Variants in PGAP2 observed in about 807,000 individuals in gnomAD.
PGAP2 encodes acyltransferase PGAP2.
PGAP2 carries 21 observed loss-of-function variants against 33.2 expected under a neutral mutation model. The ratio of observed to expected loss-of-function variants is 0.63; its 90% confidence interval spans 0.45 to 0.91. The LOEUF (loss-of-function observed/expected upper bound fraction) is 0.91. Ranked by LOEUF, PGAP2 falls within the 40% of genes least tolerant of loss-of-function variation. PGAP2 has a pLI of 0.00. For missense variants in PGAP2, 345 were observed against 424.0 expected, an observed-to-expected ratio of 0.81 and a Z score of 1.64; for synonymous variants, 161 against 172.9, an observed-to-expected ratio of 0.93 and a Z score of 0.54.
chr11:3,824,853 G>T lies in PGAP2; in HGVS notation c.709-167G>T. ...CCATCACTCCCCCAGAGGCAGGGACGTGAACACATAGTCGTCATTCTTGCT... is the reference window on the plus strand; with the variant it reads ...CCATCACTCCCCCAGAGGCAGGGACTTGAACACATAGTCGTCATTCTTGCT... On this transcript the variant is annotated intron_variant, in intron 5 of 6. Transcript: ENST00000278243. 6 of 1,447,376 alleles carry T rather than the reference G, an allele frequency of 4.1e-6. No individual in the cohort carries two copies. The South Asian group carries it at 5.9e-5, about 14-fold the overall frequency. 89.7% of individuals were successfully genotyped at this position (1,447,376 alleles called of 1,614,324 possible).
intron 1 of PGAP2, among the ~76,000 whole-genome samples, chr11:3,803,349 G>C (rs563478214): frequency 1.2e-4 from 18 of 146,276 alleles, no homozygotes; most frequent in African/African-American, 4.6e-4. Flanking sequence ...GGATGGTCTC[G>C]ATCTCCTGAC....
At chr11:3,825,174 G>A (rs1262685354) in intron 6 of PGAP2, 46 bp downstream of exon 6, 5 of 1,594,912 alleles carry the variant, frequency 3.1e-6, no homozygotes, top group Non-Finnish European at 3.4e-6. Flanking sequence ...TGGCTGCGGG[G>A]CAGCAATGAT....
intron 1 of PGAP2, among the ~76,000 whole-genome samples, chr11:3,798,381 G>A (rs892244001): frequency 6.6e-6 from 1 of 152,142 alleles, no homozygotes; most frequent in African/African-American, 2.4e-5. Context: ...CTAGGGTGGA[G>A]TGCATTGGCG....
intron 1 of PGAP2, chr11:3,798,097 G>A: frequency 2.0e-6 from 3 of 1,492,204 alleles, no homozygotes; most frequent in Non-Finnish European, 1.8e-6. Flanking sequence ...GGCCCTCTTG[G>A]AAGGTCTGTC....
intron 1 of PGAP2, chr11:3,798,033 G>C (rs1350610275): frequency 6.5e-7 from 1 of 1,535,020 alleles, no homozygotes; most frequent in Non-Finnish European, 8.8e-7. Flanking sequence ...TGCTGGGAAG[G>C]CTTCCTAGTC....
chr11:3,820,758 G>C (rs1021177691), intron 3 of PGAP2, among the ~76,000 whole-genome samples: 3 of 152,200 alleles, frequency 2.0e-5, no homozygotes, highest in Admixed American at 1.3e-4. Context: ...GGGAGGCGGA[G>C]GTTGCAATGA....
At chr11:3,807,979 A>G, upstream of PGAP2, 1 of 1,183,608 alleles carries the variant, frequency 8.4e-7, no homozygotes, top group Non-Finnish European at 1.1e-6. Context: ...GTGGCTGGAA[A>G]TCCTTTCTGC....
upstream of PGAP2, among the ~76,000 whole-genome samples, chr11:3,807,666 A>C (rs573003154): frequency 2.0e-5 from 3 of 152,260 alleles, no homozygotes; most frequent in Admixed American, 2.0e-4. Context: ...TGCCTGGGAT[A>C]TACTGGGTGT....
chr11:3,819,889 G>C (rs2134831589), intron 3 of PGAP2, among the ~76,000 whole-genome samples: 1 of 152,172 alleles, frequency 6.6e-6, no homozygotes, highest in South Asian at 2.1e-4. Flanking sequence ...GACAGTCCCT[G>C]CTCTTAGAAT....
chr11:3,813,920 A>T (rs1437932171), intron 2 of PGAP2, among the ~76,000 whole-genome samples: 1 of 152,190 alleles, frequency 6.6e-6, no homozygotes, highest in Admixed American at 6.5e-5. Flanking sequence ...TGTTCTGGGC[A>T]TACCAGTTAG....
rs567851209 is a variant in PGAP2 at position 3,824,662 on chromosome 11, G to C, written c.708+286G>C. 1.4e-5 allele frequency: 10 copies of C among 739,070 alleles called. No homozygotes were observed. The South Asian group carries it at 1.9e-4, about 14-fold the overall frequency. 45.8% of individuals were successfully genotyped at this position (739,070 alleles called of 1,614,324 possible). A position where few individuals can be genotyped will look rare whatever the true frequency, so the allele number is the denominator to read the frequency against. On this transcript the variant is annotated intron_variant, in intron 5 of 6. Coordinates refer to ENST00000278243, the MANE Select transcript of PGAP2 (RefSeq NM_014489.4). ...TCGCATCTAGGCGGCAGTGAGTTAG[G>C]AACAGTGTCAGAGGACTGGTCTGTC...
chr11:3,817,104 G>A (rs532949113), intron 2 of PGAP2, among the ~76,000 whole-genome samples: 1 of 152,132 alleles, frequency 6.6e-6, no homozygotes, highest in Non-Finnish European at 1.5e-5. Flanking sequence ...GGCTCTTCAA[G>A]AGGTGGACCT....
At position 3,801,936 on chromosome 11, in the gene PGAP2, G is replaced by A. The variant is rs544357000; in HGVS notation, c.139+3954G>A. 1.2e-4 allele frequency among the ~76,000 whole-genome samples: 19 copies of A among 152,122 alleles called. No individual in the cohort carries two copies. The East Asian group carries it at 3.7e-3, about 29-fold the overall frequency. On this transcript the variant is annotated intron_variant, in intron 1 of 6. Transcript: ENST00000300730. ...CTCCAGCCTCAGCCTGTGTGACAGA[G>A]GGAGATTCTGTCTCTAAATAAATAA...
intron 1 of PGAP2, chr11:3,798,229 C>T: frequency 1.0e-6 from 1 of 968,976 alleles, no homozygotes. Context: ...ACATTAGGAG[C>T]ATTAGAGATG....
rs531410355 is a variant in PGAP2, at chr11:3,812,996, A to C, written c.165+1572A>C. Among the ~76,000 whole-genome samples, 3 of 152,296 alleles carry C rather than the reference A, an allele frequency of 2.0e-5. No homozygotes were observed. The East Asian group carries it at 5.8e-4, about 29-fold the overall frequency. ...TATTATCTCAGATAATGCATCAGAT[A>C]TTCCTGTTACGCTAGCCACTCCTGA... On this transcript the variant is annotated intron_variant, in intron 2 of 6. Coordinates refer to ENST00000278243, the MANE Select transcript of PGAP2 (RefSeq NM_014489.4).
In PGAP2 at chr11:3,825,476, G is replaced by GGGAGGACGCAGCCCACTGCT. The variant is rs757268324; in HGVS notation, c.*37_*38insTGGAGGACGCAGCCCACTGC. 2.5e-6 allele frequency: 4 copies of GGGAGGACGCAGCCCACTGCT among 1,609,254 alleles called. No individual in the cohort carries two copies. The East Asian group carries it at 8.9e-5, about 36-fold the overall frequency. On this transcript the variant is annotated 3_prime_UTR_variant, in exon 7 of 7. Transcript: ENST00000278243. ...GATTCTGAACCCTTCAGTCCTGCTTGGGAGGACGCAGCCCACTGCCCAGAA... is the reference window on the plus strand; with the variant it reads ...GATTCTGAACCCTTCAGTCCTGCTTGGGAGGACGCAGCCCACTGCTGGAGGACGCAGCCCACTGCCCAGAA...
At position 3,797,840 on chromosome 11, in the gene PGAP2, G is replaced by T. The variant is rs967696287; in HGVS notation, c.-4G>T. The T allele has an allele frequency of 2.6e-6, 4 of 1,550,266 alleles. No homozygotes were observed. In the African/African-American group the frequency reaches 5.5e-5, roughly 21 times the overall value. On this transcript the variant is annotated 5_prime_UTR_variant, in exon 1 of 7. Coordinates refer to the PGAP2 transcript ENST00000300730. ...ACACAGGGCCTCTCGAAGTGGGCTT[G>T]TGAATGGCTAGATTGGGAAGCACCG...
At chr11:3,806,132 G>A (rs2084292311), upstream of PGAP2, among the ~76,000 whole-genome samples, 1 of 152,112 alleles carries the variant, frequency 6.6e-6, no homozygotes, top group African/African-American at 2.4e-5. Flanking sequence ...TTTGGGCATT[G>A]GGGGTAGTCT....
At chr11:3,809,101 G>A (rs546113234) in intron 1 of PGAP2, among the ~76,000 whole-genome samples, 66 of 152,306 alleles carry the variant, frequency 4.3e-4, no homozygotes, top group African/African-American at 1.6e-3. Context: ...GATTAAAAGA[G>A]ACAATGTATA....
Sources: gnomAD v4.1 joint callset for allele counts (sites outside exome capture counted in the v4.1 genomes callset) on GRCh38, gnomAD v4.1.1 for gene constraint, MANE v1.5 for transcripts, NCBI Gene and HGNC (gene_info 2026-07-23, HGNC 2026-07-21) for gene names.